The following CARMIL1 variants were observed in gnomAD, a reference collection of about 807,000 sequenced individuals.
CARMIL1 encodes the protein capping protein regulator and myosin 1 linker 1.
A neutral mutation model predicts 177.1 loss-of-function variants in CARMIL1; 90 were observed. The observed-to-expected ratio is 0.51, with a 90% CI of 0.43 to 0.61. The LOEUF (loss-of-function observed/expected upper bound fraction) is 0.61, where lower values mean the gene tolerates loss of function less well. CARMIL1 is among the 20% of genes least tolerant of loss of function. The probability of loss-of-function intolerance (pLI) is 0.00; values close to 1 mark genes in which losing one functional copy is unlikely to be tolerated. For missense variants in CARMIL1, 1,380 were observed against 1,667.0 expected (o/e 0.83, Z 3.00); for synonymous variants, 577 against 606.2 (o/e 0.95, Z 0.71).
intron 2 of CARMIL1, among the ~76,000 whole-genome samples, chr6:25,331,488 T>C (rs2150281092): frequency 6.6e-6 from 1 of 152,350 alleles, no homozygotes; most frequent in Non-Finnish European, 1.5e-5. Context: ...GGCTGTGACC[T>C]CACCCTGATC....
chr6:25,419,610 A>AT (rs370783619), intron 2 of CARMIL1, among the ~76,000 whole-genome samples: 149 of 152,294 alleles, frequency 9.8e-4, no homozygotes, highest in African/African-American at 2.5e-3. Flanking sequence ...GTTAGGGATG[A>AT]TTTTTTGGAA....
chr6:25,492,897 T>C (rs1803372973), intron 15 of CARMIL1, among the ~76,000 whole-genome samples: 1 of 152,216 alleles, frequency 6.6e-6, no homozygotes, highest in South Asian at 2.1e-4. Context: ...GATTAAATCT[T>C]TACAGTAGCA....
intron 2 of CARMIL1, among the ~76,000 whole-genome samples, chr6:25,301,139 G>C (rs1229705134): frequency 6.6e-6 from 1 of 152,172 alleles, no homozygotes; most frequent in Non-Finnish European, 1.5e-5. Flanking sequence ...CCCAAGGTAC[G>C]CATCGATAGG....
chr6:25,563,016 G>A (rs1811270178), intron 29 of CARMIL1, among the ~76,000 whole-genome samples: 2 of 152,188 alleles, frequency 1.3e-5, no homozygotes, highest in African/African-American at 4.8e-5. Context: ...TTCTGTGTGT[G>A]TGCATATGAC....
At chr6:25,450,060 A>G (rs1798636122) in intron 6 of CARMIL1, 65 bp downstream of exon 6, 3 of 1,321,410 alleles carry the variant, frequency 2.3e-6, no homozygotes, top group Admixed American at 4.6e-5. Context: ...CAGGAAGTTA[A>G]GTCTATTCCT....
At chr6:25,300,509 T>TACAAAAATTAACGGGGC (rs577056066) in intron 2 of CARMIL1, among the ~76,000 whole-genome samples, 3,756 of 152,122 alleles carry the variant, frequency 0.025, 62 homozygotes, top group Non-Finnish European at 0.038. Flanking sequence ...TCTGCTAAAA[T>TACAAAAATTAACGGGGC]ATGGAGGCAC....
chr6:25,613,533 G>A (rs568335061), intron 36 of CARMIL1, among the ~76,000 whole-genome samples: 58 of 152,264 alleles, frequency 3.8e-4, no homozygotes, highest in African/African-American at 1.4e-3. Flanking sequence ...CTGTTCAGGT[G>A]AGAACAATCC....
Position 25,336,389 on chromosome 6 carries a change from GTACTC to G in CARMIL1, c.138+51486_138+51490del, listed in dbSNP as rs766459998. ...TAGGAAGTCCTTCCAGTGACAGACT[GTACTC>G]TACTCACCTCCCCTGTGAGCAGCCT... On this transcript the variant is annotated intron_variant, in intron 2 of 36. Coordinates refer to ENST00000329474, the MANE Select transcript of CARMIL1 (RefSeq NM_017640.6). Among the ~76,000 whole-genome samples the G allele has an allele frequency of 3.3e-5, 5 of 152,264 alleles. No individual in the cohort carries two copies. In the East Asian group the frequency reaches 7.7e-4, roughly 24 times the overall value.
intron 21 of CARMIL1, 120 bp from the exon 22 acceptor site, chr6:25,517,227 C>A: frequency 3.0e-6 from 2 of 666,452 alleles, no homozygotes; most frequent in East Asian, 2.7e-5. Context: ...TTATTCCTTG[C>A]TCACATAATG....
chr6:25,564,756 T>C (rs943669222), intron 29 of CARMIL1, among the ~76,000 whole-genome samples: 1 of 152,184 alleles, frequency 6.6e-6, no homozygotes, highest in African/African-American at 2.4e-5. Flanking sequence ...TTCATTTTTT[T>C]CTTCATTGTC....
intron 2 of CARMIL1, among the ~76,000 whole-genome samples, chr6:25,365,946 G>T (rs1581697829): frequency 6.6e-6 from 1 of 152,092 alleles, no homozygotes; most frequent in African/African-American, 2.4e-5. Context: ...GTAGATTTTT[G>T]TTGATCATTG....
At chr6:25,563,246 G>A (rs756786202) in intron 29 of CARMIL1, 18 of 985,246 alleles carry the variant, frequency 1.8e-5, no homozygotes, top group Admixed American at 6.2e-5. Flanking sequence ...TTGCATCAAC[G>A]ACGTTTCGTT....
chr6:25,491,600 C>G, intron 13 of CARMIL1, 132 bp from the exon 14 acceptor site: 2 of 537,390 alleles, frequency 3.7e-6, no homozygotes, highest in South Asian at 7.1e-5. Context: ...ACAGAAAATT[C>G]TGATAATCCC....
intron 28 of CARMIL1, among the ~76,000 whole-genome samples, chr6:25,555,942 GT>G (rs1229240876): frequency 5.3e-5 from 8 of 151,980 alleles, no homozygotes; most frequent in African/African-American, 1.9e-4. Context: ...TGCACTTTTG[GT>G]TTGAACTTCA....
Position 25,299,978 on chromosome 6 carries a change from CAA to C in CARMIL1, c.138+15086_138+15087del, listed in dbSNP as rs201932888. Among the ~76,000 whole-genome samples, 670 of 96,288 alleles carry C rather than the reference CAA, an allele frequency of 7.0e-3. 7 individuals carry two copies. The highest frequency in any genetic ancestry group is 0.021 in the African/African-American group (574 of 27,638). 63.2% of individuals were successfully genotyped at this position (96,288 alleles called of 152,430 possible). A position where few individuals can be genotyped will look rare whatever the true frequency, so the allele number is the denominator to read the frequency against. On this transcript the variant is annotated intron_variant, in intron 2 of 36. Transcript: ENST00000329474. ...GGGGCGACAGAGTGAGACTCCACCT[CAA>C]AAAAAAAAAAAAAAAAGTTTCCAAA...
chr6:25,375,339 T>A (rs1790868511), intron 2 of CARMIL1, among the ~76,000 whole-genome samples: 1 of 152,192 alleles, frequency 6.6e-6, no homozygotes, highest in Non-Finnish European at 1.5e-5. Flanking sequence ...CTTGTAAGGT[T>A]TCTGCGGAGA....
intron 8 of CARMIL1, among the ~76,000 whole-genome samples, chr6:25,462,736 TTTTG>T (rs765238049): frequency 4.6e-5 from 7 of 152,204 alleles, no homozygotes; most frequent in Admixed American, 3.3e-4. Flanking sequence ...TCTTAGGGCT[TTTTG>T]TTTGTTTGTT....
intron 2 of CARMIL1, among the ~76,000 whole-genome samples, chr6:25,413,797 C>T (rs1026601600): frequency 6.6e-6 from 1 of 151,676 alleles, no homozygotes; most frequent in Non-Finnish European, 1.5e-5. Flanking sequence ...ACATATACTC[C>T]ATCTGATGCA....
At chr6:25,365,984 T>C (rs1581698007) in intron 2 of CARMIL1, among the ~76,000 whole-genome samples, 1 of 152,262 alleles carries the variant, frequency 6.6e-6, no homozygotes, top group East Asian at 1.9e-4. Context: ...CTTCTTTCAG[T>C]GTCCATTTAC....
Sources: gnomAD v4.1 joint callset for allele counts (sites outside exome capture counted in the v4.1 genomes callset) on GRCh38, gnomAD v4.1.1 for gene constraint, MANE v1.5 for transcripts, NCBI Gene and HGNC (gene_info 2026-07-23, HGNC 2026-07-21) for gene names.